The following NXPE2 variants were observed in gnomAD, a reference collection of about 807,000 sequenced individuals.
NXPE2 encodes NXPE family member 2.
A neutral mutation model predicts 34.4 loss-of-function variants in NXPE2; 34 were observed. The ratio of observed to expected loss-of-function variants is 0.99; its 90% CI spans 0.75 to 1.31. The LOEUF (loss-of-function observed/expected upper bound fraction) is 1.31. NXPE2 is among the 40% of genes most tolerant of loss of function. The probability of loss-of-function intolerance (pLI) is 0.00; values close to 1 mark genes in which losing one functional copy is unlikely to be tolerated. For missense variants in NXPE2, 649 were observed against 672.5 expected (o/e 0.97, Z 0.39); for synonymous variants, 235 against 231.3 (o/e 1.02, Z -0.15).
At chr11:114,533,005 C>G in the NXPE2 span, among the ~76,000 whole-genome samples, 3 of 152,106 alleles carry the variant, frequency 2.0e-5, no homozygotes, top group Admixed American at 2.0e-4. Context: ...AAACCTTAAA[C>G]ATTTTAAAAG....
the NXPE2 span, among the ~76,000 whole-genome samples, chr11:114,799,153 A>G: frequency 6.6e-6 from 1 of 152,188 alleles, no homozygotes; most frequent in African/African-American, 2.4e-5. Flanking sequence ...GGAACAGATA[A>G]TAGTTCTTTA....
the NXPE2 span, among the ~76,000 whole-genome samples, chr11:114,491,295 A>C: frequency 6.6e-6 from 1 of 152,108 alleles, no homozygotes; most frequent in South Asian, 2.1e-4. Flanking sequence ...AGAATCTACA[A>C]AGAATTCAAA....
At chr11:114,694,393 G>T (rs1285287348) in intron 2 of NXPE2, among the ~76,000 whole-genome samples, 1 of 152,066 alleles carries the variant, frequency 6.6e-6, no homozygotes, top group Non-Finnish European at 1.5e-5. Context: ...TTGATTTTTA[G>T]CAATTTGAAA....
At chr11:114,679,302 A>G in intron 1 of NXPE2, among the ~76,000 whole-genome samples, 1 of 88,056 alleles carries the variant, frequency 1.1e-5, no homozygotes, top group African/African-American at 4.6e-5. Flanking sequence ...GATTCACTAG[A>G]GGACACGGTG....
the NXPE2 span, among the ~76,000 whole-genome samples, chr11:114,587,634 A>G: frequency 1.3e-5 from 2 of 152,228 alleles, no homozygotes; most frequent in African/African-American, 4.8e-5. Context: ...GCACCTTAAA[A>G]GATGCCAGGG....
chr11:114,745,274 G>A, the NXPE2 span, among the ~76,000 whole-genome samples: 3 of 152,114 alleles, frequency 2.0e-5, no homozygotes, highest in African/African-American at 7.2e-5. Flanking sequence ...CGTCTATTTT[G>A]GGGGAGGGTT....
the NXPE2 span, among the ~76,000 whole-genome samples, chr11:114,535,319 G>T: frequency 6.6e-6 from 1 of 152,302 alleles, no homozygotes; most frequent in African/African-American, 2.4e-5. Context: ...ACCAGCCACT[G>T]CAAAAACAAG....
At chr11:114,659,049 AG>A in the NXPE2 span, among the ~76,000 whole-genome samples, 1 of 152,224 alleles carries the variant, frequency 6.6e-6, no homozygotes, top group Non-Finnish European at 1.5e-5. Flanking sequence ...TTAAGCACCA[AG>A]TAACCAGAAA....
At chr11:114,525,730 G>A in the NXPE2 span, among the ~76,000 whole-genome samples, 1 of 152,168 alleles carries the variant, frequency 6.6e-6, no homozygotes, top group African/African-American at 2.4e-5. Context: ...TTCTGCTTCT[G>A]TAAGCTTGCT....
chr11:114,625,912 A>G, the NXPE2 span, among the ~76,000 whole-genome samples: 1 of 152,154 alleles, frequency 6.6e-6, no homozygotes, highest in Non-Finnish European at 1.5e-5. Flanking sequence ...GAAAGGGGTG[A>G]CAGACGGCAC....
At chr11:114,512,005 CA>C in the NXPE2 span, among the ~76,000 whole-genome samples, 1 of 152,082 alleles carries the variant, frequency 6.6e-6, no homozygotes, top group African/African-American at 2.4e-5. Flanking sequence ...TGTAGCAATG[CA>C]AAACAAACTT....
the NXPE2 span, among the ~76,000 whole-genome samples, chr11:114,535,557 A>C: frequency 6.6e-6 from 1 of 152,212 alleles, no homozygotes. Flanking sequence ...GCAGAGACAT[A>C]CATAGGCTCA....
chr11:114,615,467 G>A, the NXPE2 span, among the ~76,000 whole-genome samples: 1 of 151,944 alleles, frequency 6.6e-6, no homozygotes, highest in Non-Finnish European at 1.5e-5. Flanking sequence ...TGGATAATAA[G>A]TATTGCTTCG....
At chr11:114,811,186 G>T in the NXPE2 span, among the ~76,000 whole-genome samples, 2 of 122,392 alleles carry the variant, frequency 1.6e-5, no homozygotes, top group Non-Finnish European at 3.3e-5. Flanking sequence ...GGACTGTTGT[G>T]GGGTGGGGGG....
At chr11:114,674,072 G>C (rs1180624523), upstream of NXPE2, among the ~76,000 whole-genome samples, 1 of 149,348 alleles carries the variant, frequency 6.7e-6, no homozygotes, top group East Asian at 2.0e-4. Flanking sequence ...GCCTCCAGGG[G>C]CTGGTGGACA....
chr11:114,690,195 T>C (rs910824543), intron 2 of NXPE2, among the ~76,000 whole-genome samples: 2 of 152,196 alleles, frequency 1.3e-5, no homozygotes, highest in African/African-American at 4.8e-5. Context: ...CTGTGGGTTA[T>C]GGACGTGTGT....
the NXPE2 span, among the ~76,000 whole-genome samples, chr11:114,633,864 T>A: frequency 6.6e-6 from 1 of 152,060 alleles, no homozygotes; most frequent in African/African-American, 2.4e-5. Flanking sequence ...CAGTCTATCA[T>A]TTTTGGATAT....
At chr11:114,498,818 T>C in the NXPE2 span, among the ~76,000 whole-genome samples, 1,881 of 152,228 alleles carry the variant, frequency 0.012, 29 homozygotes, top group African/African-American at 0.042. Context: ...GTTATTTATA[T>C]TAATAGTGAG....
At chr11:114,535,377 C>T in the NXPE2 span, among the ~76,000 whole-genome samples, 84 of 152,220 alleles carry the variant, frequency 5.5e-4, no homozygotes, top group African/African-American at 1.9e-3. Flanking sequence ...CATCAACTAA[C>T]GAGCAAAATA....
Sources: allele counts gnomAD v4.1 joint callset (sites outside exome capture counted in the v4.1 genomes callset), GRCh38; gene constraint gnomAD v4.1.1; transcripts MANE v1.5; gene names NCBI Gene and HGNC (gene_info 2026-07-23, HGNC 2026-07-21).